The following TAF2 variants were observed in gnomAD, a reference collection of about 807,000 sequenced individuals.
TAF2 encodes transcription initiation factor TFIID subunit 2.
Under a neutral mutation model 138.5 loss-of-function variants are expected in TAF2, and 61 were observed. The ratio of observed to expected loss-of-function variants is 0.44; its 90% CI spans 0.36 to 0.54. The LOEUF (loss-of-function observed/expected upper bound fraction) is 0.54. TAF2 is among the 20% of genes least tolerant of loss of function. TAF2 has a pLI of 0.00. For missense variants in TAF2, 1,090 were observed against 1,427.9 expected (o/e 0.76, Z 3.81); for synonymous variants, 475 against 469.9 (o/e 1.01, Z -0.14).
chr8:119,748,039 G>A (rs1438104358), intron 22 of TAF2, among the ~76,000 whole-genome samples: 3 of 151,936 alleles, frequency 2.0e-5, no homozygotes, highest in Non-Finnish European at 4.4e-5. Context: ...CAGGAGAATC[G>A]CTTAAACCCA....
chr8:119,785,678 A>G (rs1310788924), intron 14 of TAF2, among the ~76,000 whole-genome samples: 1 of 152,208 alleles, frequency 6.6e-6, no homozygotes, highest in Non-Finnish European at 1.5e-5. Context: ...TCTGTCCTAT[A>G]TGAATTAGCT....
intron 20 of TAF2, among the ~76,000 whole-genome samples, chr8:119,758,621 T>C (rs1820858276): frequency 6.6e-6 from 1 of 152,156 alleles, no homozygotes. Context: ...TTTTCAAGCA[T>C]AATATAAAAG....
At chr8:119,752,814 CAA>C (rs1820442447) in intron 22 of TAF2, among the ~76,000 whole-genome samples, 1 of 152,144 alleles carries the variant, frequency 6.6e-6, no homozygotes, top group South Asian at 2.1e-4. Context: ...TGTAACTATG[CAA>C]AGTCAATATA....
rs972422871 is a variant in TAF2, at chr8:119,780,947, A to G, written c.2253+106T>C. Reference sequence around the variant, plus strand: ...GAGACTCTGTCTCAAAAAAAAAAAAAAAAAAGAATGGAGGCAAAGAAAGTA... The same window carrying G: ...GAGACTCTGTCTCAAAAAAAAAAAAGAAAAAGAATGGAGGCAAAGAAAGTA... On this transcript the variant is annotated intron_variant, in intron 17 of 25. Coordinates refer to ENST00000378164, the MANE Select transcript of TAF2 (RefSeq NM_003184.4). The G allele has an allele frequency of 4.9e-6, 6 of 1,218,294 alleles. No homozygotes were observed. The African/African-American group carries it at 9.4e-5, about 19-fold the overall frequency. The allele number at this position is 1,218,294 out of a possible 1,614,324, so 75.5% of individuals were successfully genotyped here. A position where few individuals can be genotyped will look rare whatever the true frequency, so the allele number is the denominator to read the frequency against.
chr8:119,812,668 T>C (rs143564142), intron 3 of TAF2, among the ~76,000 whole-genome samples: 1,835 of 152,256 alleles, frequency 0.012, 13 homozygotes, highest in Non-Finnish European at 0.019. Flanking sequence ...TCCAGCCACG[T>C]TGCTACAAAA....
At chr8:119,777,644 A>G (rs1738824865) in intron 18 of TAF2, among the ~76,000 whole-genome samples, 1 of 152,234 alleles carries the variant, frequency 6.6e-6, no homozygotes, top group Non-Finnish European at 1.5e-5. Flanking sequence ...AGTTAATCCC[A>G]ATCGAGAACT....
intron 3 of TAF2, among the ~76,000 whole-genome samples, chr8:119,813,493 T>G (rs1320073697): frequency 1.3e-5 from 2 of 152,152 alleles, no homozygotes; most frequent in Non-Finnish European, 2.9e-5. Context: ...AAGGACAAAA[T>G]GGATCTACTG....
chr8:119,737,109 C>T (rs1445017211), intron 25 of TAF2, among the ~76,000 whole-genome samples: 1 of 152,140 alleles, frequency 6.6e-6, no homozygotes, highest in Admixed American at 6.6e-5. Context: ...AAGGCTATAT[C>T]AGCCAACTGC....
chr8:119,818,733 C>T (rs910592974), intron 3 of TAF2, among the ~76,000 whole-genome samples: 1 of 83,590 alleles, frequency 1.2e-5, no homozygotes, highest in Non-Finnish European at 3.1e-5. Context: ...AAATGAAGTC[C>T]ACACACACAC....
At position 119,794,266 on chromosome 8, in the gene TAF2, G is replaced by A. The variant is rs987795505; in HGVS notation, c.1192-815C>T. Among the ~76,000 whole-genome samples, 9 of 151,896 alleles carry A rather than the reference G, an allele frequency of 5.9e-5. No homozygotes were observed. The East Asian group carries it at 1.2e-3, about 20-fold the overall frequency. On this transcript the variant is annotated intron_variant, in intron 9 of 25. Transcript: ENST00000378164. ...CAAAAAATTAGCCGGGCGTGATGGC[G>A]GGTGCCTGTAATCCCAGCTCTCAGG...
rs751768583 is a variant in TAF2 at position 119,797,073 on chromosome 8, T to C, written c.1008A>G (p.Ile336Met). 1.7e-5 allele frequency: 28 copies of C among 1,613,196 alleles called. No individual in the cohort carries two copies. Among genetic ancestry groups the C allele is most frequent in the African/African-American group, 2.7e-5 (2 of 74,910 alleles). ...STNLLHSAMIIDETPLTRRCL... is the reference protein window; with the variant it reads ...STNLLHSAMIMDETPLTRRCL... ...ACCTTCTAGTCAAAGGTGTCTCATC[T>C]ATAATCATGGCACTGTGTAAAAGAT... Residue 336 changes from isoleucine (I) to methionine (M), a missense_variant, in exon 8 of 26, where the codon ATA (isoleucine) becomes ATG (methionine). Ile to Met is a conservative substitution (Grantham distance 10). Coordinates refer to ENST00000378164, the MANE Select transcript of TAF2 (RefSeq NM_003184.4).
chr8:119,808,179 T>A (rs1824793839), intron 3 of TAF2, among the ~76,000 whole-genome samples: 1 of 152,214 alleles, frequency 6.6e-6, no homozygotes, highest in African/African-American at 2.4e-5. Context: ...TCTCAATATA[T>A]TTTAATAATT....
intron 3 of TAF2, among the ~76,000 whole-genome samples, chr8:119,811,023 C>T (rs1352111557): frequency 6.6e-6 from 1 of 152,026 alleles, no homozygotes; most frequent in Non-Finnish European, 1.5e-5. Context: ...TCATAGAAGT[C>T]AAAAATTACA....
rs1563819197 is a variant in TAF2, at chr8:119,744,366, TCTC to T, written c.3133_3135del (p.Glu1045del). Reference sequence around the variant, plus strand: ...CTATCATGAACAGTATCCATATCAATCTCCTCCTCATCTTGAGAACTGGAAAAC... The same window carrying T: ...CTATCATGAACAGTATCCATATCAATCTCCTCATCTTGAGAACTGGAAAAC... On this transcript the variant is annotated inframe_deletion, in exon 24 of 26. Transcript: ENST00000378164. 1.2e-6 allele frequency: 2 copies of T among 1,613,430 alleles called. No individual in the cohort carries two copies. Among genetic ancestry groups the T allele is most frequent in the Non-Finnish European group, 1.7e-6 (2 of 1,179,886 alleles).
intron 14 of TAF2, among the ~76,000 whole-genome samples, chr8:119,786,853 G>A (rs527385216): frequency 6.6e-6 from 1 of 152,172 alleles, no homozygotes; most frequent in African/African-American, 2.4e-5. Context: ...ACCGGGAGGC[G>A]GAGGTTGCAA....
At chr8:119,799,538 T>C (rs1824092527) in intron 6 of TAF2, among the ~76,000 whole-genome samples, 1 of 152,268 alleles carries the variant, frequency 6.6e-6, no homozygotes, top group African/African-American at 2.4e-5. Flanking sequence ...CCACATTTTC[T>C]TAATCCAGCC....
At chr8:119,742,217 G>C (rs1432017345) in intron 25 of TAF2, among the ~76,000 whole-genome samples, 1 of 152,102 alleles carries the variant, frequency 6.6e-6, no homozygotes, top group South Asian at 2.1e-4. Context: ...GGCAAAGAAA[G>C]AGCAAAATGT....
At chr8:119,825,089 C>T (rs1044641341) in intron 2 of TAF2, among the ~76,000 whole-genome samples, 15 of 152,258 alleles carry the variant, frequency 9.9e-5, no homozygotes, top group African/African-American at 3.1e-4. Context: ...TCAACGCCAT[C>T]CAGTCAAGGC....
At chr8:119,733,528 C>A (rs1397475697) in intron 25 of TAF2, among the ~76,000 whole-genome samples, 1 of 152,196 alleles carries the variant, frequency 6.6e-6, no homozygotes, top group Non-Finnish European at 1.5e-5. Flanking sequence ...ACAGTTTTAA[C>A]ATTCTATCCG....
Sources: gnomAD v4.1 joint callset for allele counts (sites outside exome capture counted in the v4.1 genomes callset) on GRCh38, gnomAD v4.1.1 for gene constraint, MANE v1.5 for transcripts, NCBI Gene and HGNC (gene_info 2026-07-23, HGNC 2026-07-21) for gene names.